The following THRB variants were observed in gnomAD, a reference collection of about 807,000 sequenced individuals.
THRB encodes the protein nuclear receptor subfamily 1 group A member 2.
A neutral mutation model predicts 47.8 loss-of-function variants in THRB; 12 were observed. The ratio of observed to expected loss-of-function variants is 0.25; its 90% CI spans 0.16 to 0.41. The LOEUF (loss-of-function observed/expected upper bound fraction) is 0.41, where lower values mean the gene tolerates loss of function less well. Ranked by LOEUF, THRB falls within the 10% of genes least tolerant of loss-of-function variation. THRB has a pLI of 1.00. For missense variants in THRB, 348 were observed against 589.2 expected (o/e 0.59, Z 4.24); for synonymous variants, 218 against 212.2 (o/e 1.03, Z -0.24).
At chr3:24,290,595 C>T (rs193113163) in intron 3 of THRB, among the ~76,000 whole-genome samples, 249 of 152,244 alleles carry the variant, frequency 1.6e-3, no homozygotes, top group Non-Finnish European at 2.9e-3. Flanking sequence ...AGTTTCTCCT[C>T]CAAGAGACAC....
intron 1 of THRB, among the ~76,000 whole-genome samples, chr3:24,365,477 C>T (rs527739160): frequency 3.7e-4 from 57 of 152,224 alleles, no homozygotes; most frequent in African/African-American, 1.3e-3. Flanking sequence ...TATAAGGTCC[C>T]CGGGCAGTTC....
chr3:24,204,399 G>C (rs900020501), intron 4 of THRB, among the ~76,000 whole-genome samples: 2 of 152,218 alleles, frequency 1.3e-5, no homozygotes, highest in South Asian at 2.1e-4. Flanking sequence ...ACAGGGTCTA[G>C]AGTGGACCTC....
chr3:24,309,846 G>A (rs914610402), intron 2 of THRB, among the ~76,000 whole-genome samples: 7 of 152,240 alleles, frequency 4.6e-5, no homozygotes, highest in East Asian at 1.9e-4. Context: ...TGTAAAATAC[G>A]TAGGATGTAT....
chr3:24,404,526 A>T (rs1213375818), intron 1 of THRB, among the ~76,000 whole-genome samples: 1 of 151,960 alleles, frequency 6.6e-6, no homozygotes, highest in African/African-American at 2.4e-5. Flanking sequence ...AGATATGAGA[A>T]TTCAGTTGAC....
At chr3:24,246,027 G>C (rs141391859) in intron 3 of THRB, among the ~76,000 whole-genome samples, 1 of 152,278 alleles carries the variant, frequency 6.6e-6, no homozygotes, top group African/African-American at 2.4e-5. Context: ...CTGGATGCTT[G>C]GACAGAATAG....
chr3:24,484,185 C>A (rs1050466755), intron 1 of THRB: 3 of 152,176 alleles, frequency 2.0e-5, no homozygotes, highest in Non-Finnish European at 4.4e-5. Context: ...AGCTACTGTG[C>A]ATTTTTTATT....
At chr3:24,329,268 C>T (rs1235818064) in intron 2 of THRB, among the ~76,000 whole-genome samples, 2 of 152,208 alleles carry the variant, frequency 1.3e-5, no homozygotes, top group Non-Finnish European at 2.9e-5. Context: ...TAAACTCCAT[C>T]TATTACCATC....
At chr3:24,335,298 C>T (rs1175557263) in intron 2 of THRB, among the ~76,000 whole-genome samples, 1 of 152,146 alleles carries the variant, frequency 6.6e-6, no homozygotes, top group African/African-American at 2.4e-5. Flanking sequence ...GGTTTCATTG[C>T]TTGGAATTCC....
At chr3:24,291,962 ATAACT>A (rs1331247201) in intron 3 of THRB, among the ~76,000 whole-genome samples, 96 of 152,326 alleles carry the variant, frequency 6.3e-4, no homozygotes, top group Non-Finnish European at 2.4e-4. Context: ...CATTCTGGAA[ATAACT>A]TAAATGTCCA....
chr3:24,195,696 C>T (rs1049152337), intron 4 of THRB, among the ~76,000 whole-genome samples: 1 of 152,230 alleles, frequency 6.6e-6, no homozygotes, highest in African/African-American at 2.4e-5. Flanking sequence ...AGCTCCTCAC[C>T]CATGGCTCTG....
chr3:24,216,402 G>C lies in THRB; in HGVS notation c.22+12536C>G, dbSNP rs773844784. Among the ~76,000 whole-genome samples the C allele has an allele frequency of 6.6e-5, 10 of 152,252 alleles. No individual in the cohort carries two copies. The East Asian group carries it at 7.7e-4, about 12-fold the overall frequency. ...AGCCAGATCACGAGGTCAGGAGATC[G>C]AGACCATCCTGGCTAACATGGTGAA... On this transcript the variant is annotated intron_variant, in intron 4 of 10. Transcript: ENST00000646209.
At chr3:24,353,115 A>T (rs552053760) in intron 1 of THRB, among the ~76,000 whole-genome samples, 3 of 152,150 alleles carry the variant, frequency 2.0e-5, no homozygotes, top group Non-Finnish European at 4.4e-5. Flanking sequence ...AAAGTGAAAC[A>T]TGGATTCTTA....
At chr3:24,360,830 G>T (rs113818195) in intron 1 of THRB, among the ~76,000 whole-genome samples, 1 of 151,996 alleles carries the variant, frequency 6.6e-6, no homozygotes, top group East Asian at 1.9e-4. Context: ...ACAGAGTGGC[G>T]GTTTCTTGCA....
At chr3:24,161,304 T>A (rs189047709) in intron 5 of THRB, among the ~76,000 whole-genome samples, 9 of 152,324 alleles carry the variant, frequency 5.9e-5, no homozygotes, top group Admixed American at 5.9e-4. Flanking sequence ...AATCTATGAT[T>A]GCATTAACCA....
At chr3:24,420,951 A>C (rs2069198989) in intron 1 of THRB, among the ~76,000 whole-genome samples, 1 of 151,962 alleles carries the variant, frequency 6.6e-6, no homozygotes, top group Non-Finnish European at 1.5e-5. Context: ...ATCAACCTAA[A>C]TGCCCATCAA....
chr3:24,277,149 A>C (rs73148338), intron 3 of THRB, among the ~76,000 whole-genome samples: 10,099 of 152,174 alleles, frequency 0.066, 1,027 homozygotes, highest in African/African-American at 0.22. Context: ...AACAGTGGTT[A>C]TCAATTTTGC....
rs1285818479 is a variant in THRB, at chr3:24,117,325, T to C, written c.*5559A>G. ...CTTGCCCACCATTCTCTTCCACTTATAGCAGCAAGACTTAGAATTTTCTTT... is the reference window on the plus strand; with the variant it reads ...CTTGCCCACCATTCTCTTCCACTTACAGCAGCAAGACTTAGAATTTTCTTT... On this transcript the variant is annotated 3_prime_UTR_variant, in exon 11 of 11. Coordinates refer to ENST00000646209, the MANE Select transcript of THRB (RefSeq NM_001354712.2). 6.6e-6 allele frequency: 1 copy of C among 152,240 alleles called. No individual in the cohort carries two copies. The highest frequency in any genetic ancestry group is 1.5e-5 in the Non-Finnish European group (1 of 68,050). 9.4% of individuals were successfully genotyped at this position (152,240 alleles called of 1,614,324 possible). A position where few individuals can be genotyped will look rare whatever the true frequency, so the allele number is the denominator to read the frequency against.
At chr3:24,183,313 C>CT (rs1167434664) in intron 5 of THRB, among the ~76,000 whole-genome samples, 1 of 149,880 alleles carries the variant, frequency 6.7e-6, no homozygotes, top group Non-Finnish European at 1.5e-5. Flanking sequence ...ATGTTGGGGG[C>CT]TTTATACATA....
At chr3:24,397,412 C>A (rs1231905620) in intron 1 of THRB, among the ~76,000 whole-genome samples, 1 of 152,062 alleles carries the variant, frequency 6.6e-6, no homozygotes, top group Non-Finnish European at 1.5e-5. Context: ...CATAAAACTC[C>A]ATCATCCATC....
Sources: allele counts gnomAD v4.1 joint callset (sites outside exome capture counted in the v4.1 genomes callset), GRCh38; gene constraint gnomAD v4.1.1; transcripts MANE v1.5; gene names NCBI Gene and HGNC (gene_info 2026-07-23, HGNC 2026-07-21).